FBXL13: variants seen among roughly 807,000 people sequenced by gnomAD.
FBXL13 encodes F-box and leucine-rich repeat protein 13.
A neutral mutation model predicts 83.6 loss-of-function variants in FBXL13; 67 were observed. That is an observed-to-expected ratio of 0.80 (90% CI 0.66 to 0.98). The LOEUF (loss-of-function observed/expected upper bound fraction) is 0.98. FBXL13 is among the 50% of genes least tolerant of loss of function. The pLI, the probability that FBXL13 is intolerant of heterozygous loss-of-function variation, is 0.00. For synonymous variants in FBXL13, 272 were observed against 299.5 expected, an observed-to-expected ratio of 0.91 and a Z score of 0.95; for missense variants, 822 against 866.5, an observed-to-expected ratio of 0.95 and a Z score of 0.64.
At chr7:103,011,741 A>G (rs1473758923) in intron 6 of FBXL13, among the ~76,000 whole-genome samples, 2 of 152,170 alleles carry the variant, frequency 1.3e-5, no homozygotes, top group Non-Finnish European at 2.9e-5. Context: ...CTGAGGAAAG[A>G]ATCTCAGTGG....
chr7:102,902,008 A>G (rs1813021033), intron 11 of FBXL13, among the ~76,000 whole-genome samples: 1 of 152,204 alleles, frequency 6.6e-6, no homozygotes, highest in African/African-American at 2.4e-5. Context: ...AGGAACCTCC[A>G]AACTGTTCTC....
chr7:102,815,605 A>T (rs1212444751), intron 19 of FBXL13, among the ~76,000 whole-genome samples: 1 of 152,086 alleles, frequency 6.6e-6, no homozygotes, highest in Non-Finnish European at 1.5e-5. Flanking sequence ...CTGTAGTACA[A>T]GAGTAGCACA....
chr7:103,031,303 C>G (rs141557891), intron 2 of FBXL13: 1 of 152,388 alleles, frequency 6.6e-6, no homozygotes, highest in East Asian at 1.9e-4. Flanking sequence ...ACAGTCGCTG[C>G]ATATTGTTTA....
chr7:102,894,845 A>C (rs1812064649), intron 11 of FBXL13, among the ~76,000 whole-genome samples: 1 of 152,126 alleles, frequency 6.6e-6, no homozygotes, highest in South Asian at 2.1e-4. Flanking sequence ...GACCTTACCA[A>C]GAAAAGAGAT....
chr7:102,960,389 G>C (rs575466314), intron 8 of FBXL13, among the ~76,000 whole-genome samples: 1 of 151,938 alleles, frequency 6.6e-6, no homozygotes, highest in African/African-American at 2.4e-5. Flanking sequence ...ATTCACAGCC[G>C]AATTCTACCA....
chr7:102,959,876 T>C (rs1321534665), intron 8 of FBXL13, among the ~76,000 whole-genome samples: 1 of 152,104 alleles, frequency 6.6e-6, no homozygotes, highest in Admixed American at 6.6e-5. Flanking sequence ...TTACAGTATG[T>C]AAAAATAATT....
chr7:102,942,443 C>T, intron 8 of FBXL13: 7 of 1,045,666 alleles, frequency 6.7e-6, no homozygotes, highest in Non-Finnish European at 9.3e-6. Context: ...AAGAAGATAC[C>T]CTACTAGGGG....
chr7:102,985,379 A>C (rs953477038), intron 6 of FBXL13, among the ~76,000 whole-genome samples: 1 of 152,226 alleles, frequency 6.6e-6, no homozygotes. Flanking sequence ...TCCAACCAGC[A>C]AACAAACCAT....
rs538303594 is a variant in FBXL13 at position 103,012,990 on chromosome 7, T to A, written c.495+12073A>T. ...GAAAACATAAAAAGGCAGGGGCTGCTATTCTAATTCCATACAAAACAGACT... is the reference window on the plus strand; with the variant it reads ...GAAAACATAAAAAGGCAGGGGCTGCAATTCTAATTCCATACAAAACAGACT... On this transcript the variant is annotated intron_variant, in intron 6 of 19. Coordinates refer to ENST00000313221, the Ensembl canonical transcript of FBXL13. 2.0e-5 allele frequency among the ~76,000 whole-genome samples: 3 copies of A among 152,324 alleles called. No homozygotes were observed. In the South Asian group the frequency reaches 6.2e-4, roughly 32 times the overall value.
intron 10 of FBXL13, among the ~76,000 whole-genome samples, chr7:102,924,339 T>C (rs749704764): frequency 6.6e-6 from 1 of 152,096 alleles, no homozygotes; most frequent in Non-Finnish European, 1.5e-5. Context: ...CTGATTTAGA[T>C]CATCACTTCA....
At chr7:102,956,687 C>A (rs765368918) in intron 8 of FBXL13, among the ~76,000 whole-genome samples, 29 of 152,288 alleles carry the variant, frequency 1.9e-4, no homozygotes, top group South Asian at 4.1e-4. Flanking sequence ...TCAGCAAAGT[C>A]TGAGGACACA....
intron 6 of FBXL13, among the ~76,000 whole-genome samples, chr7:103,017,816 T>C (rs1449362636): frequency 6.6e-6 from 1 of 151,840 alleles, no homozygotes; most frequent in African/African-American, 2.4e-5. Context: ...CCAAGAAATA[T>C]GGGATTATGT....
intron 9 of FBXL13, among the ~76,000 whole-genome samples, chr7:102,929,161 A>G (rs1584988244): frequency 6.6e-6 from 1 of 152,164 alleles, no homozygotes; most frequent in South Asian, 2.1e-4. Context: ...TTCTGTACAC[A>G]TTCTATTTGT....
At chr7:102,973,954 C>T (rs1202705928) in intron 6 of FBXL13, among the ~76,000 whole-genome samples, 1 of 152,200 alleles carries the variant, frequency 6.6e-6, no homozygotes, top group Non-Finnish European at 1.5e-5. Context: ...AAAAAGGCAG[C>T]GGTGACGATC....
At chr7:102,968,423 G>A (rs1826227397) in intron 6 of FBXL13, among the ~76,000 whole-genome samples, 1 of 152,164 alleles carries the variant, frequency 6.6e-6, no homozygotes, top group Non-Finnish European at 1.5e-5. Flanking sequence ...TTTGAATGAA[G>A]ATAGAATTCT....
chr7:102,897,129 ATGTG>A (rs1249330040), intron 11 of FBXL13, among the ~76,000 whole-genome samples: 1 of 151,710 alleles, frequency 6.6e-6, no homozygotes, highest in Non-Finnish European at 1.5e-5. Flanking sequence ...ATATATGTAT[ATGTG>A]TGTATCTATA....
rs1794048392 is a variant in FBXL13 at position 103,027,375 on chromosome 7, G to A, written c.327+74C>T. 5.5e-6 allele frequency: 5 copies of A among 914,992 alleles called. No homozygotes were observed. In the Admixed American group the frequency reaches 6.4e-5, roughly 12 times the overall value. 56.7% of individuals were successfully genotyped at this position (914,992 alleles called of 1,614,324 possible). ...AGGATTTTAGTATTTTCCACACACG[G>A]CATTACTATTTGAGGCAACATGAAT... is the stretch of plus-strand genomic sequence containing the variant. On this transcript the variant is annotated intron_variant, in intron 5 of 19. Coordinates refer to ENST00000313221, the Ensembl canonical transcript of FBXL13.
intron 18 of FBXL13, among the ~76,000 whole-genome samples, chr7:102,831,130 C>T (rs1800596341): frequency 6.6e-6 from 1 of 152,154 alleles, no homozygotes; most frequent in Non-Finnish European, 1.5e-5. Flanking sequence ...AATCTCCCAC[C>T]TGGAGAAGAA....
At chr7:103,012,680 C>T (rs57429328) in intron 6 of FBXL13, among the ~76,000 whole-genome samples, 1 of 152,056 alleles carries the variant, frequency 6.6e-6, no homozygotes, top group Admixed American at 6.6e-5. Flanking sequence ...AAGGAAAGAC[C>T]ATTACCAGCC....
Sources: gnomAD v4.1 joint callset for allele counts (sites outside exome capture counted in the v4.1 genomes callset) on GRCh38, gnomAD v4.1.1 for gene constraint, MANE v1.5 for transcripts, NCBI Gene and HGNC (gene_info 2026-07-23, HGNC 2026-07-21) for gene names.